Variants in ZFHX3 observed in about 807,000 individuals in gnomAD.
ZFHX3 encodes the protein zinc finger homeobox 3, also known as zinc finger homeobox protein 3.
Under a neutral mutation model 279.1 loss-of-function variants are expected in ZFHX3, and 42 were observed. The observed-to-expected ratio is 0.15, with a 90% CI of 0.12 to 0.19. The LOEUF is 0.19. Ranked by LOEUF, ZFHX3 falls within the 10% of genes least tolerant of loss-of-function variation. ZFHX3 has a pLI of 1.00. For missense variants in ZFHX3, 4,981 were observed against 4,754.0 expected, an observed-to-expected ratio of 1.05 and a Z score of -1.40; for synonymous variants, 2,293 against 1,957.8, an observed-to-expected ratio of 1.17 and a Z score of -4.52.
rs1407685444 is a variant in ZFHX3, at chr16:73,802,230, A to C, written c.-1608+89421T>G. Among the ~76,000 whole-genome samples the C allele has an allele frequency of 2.6e-5, 4 of 152,214 alleles. No individual in the cohort carries two copies. The East Asian group carries it at 5.8e-4, about 22-fold the overall frequency. ...CAGGATGATAGTATCAAATTGTCAG[A>C]GATATTAGGCAATTCTGATGACCTC... On this transcript the variant is annotated intron_variant, in intron 1 of 17. Coordinates refer to the ZFHX3 transcript ENST00000641206.
rs181123222 is a variant in ZFHX3 at position 73,623,331 on chromosome 16, C to T, written c.-1547+56849G>A. 1.8e-3 allele frequency among the ~76,000 whole-genome samples: 281 copies of T among 152,264 alleles called. 2 individuals carry two copies. The highest frequency in any genetic ancestry group is 6.8e-3 in the Middle Eastern group (2 of 294). On this transcript the variant is annotated intron_variant, in intron 2 of 17. Coordinates refer to the ZFHX3 transcript ENST00000641206. ...GATTACAGGCTTGAGCCACTGCGCC[C>T]GGCCGGGCACATTGTATTTTTGAAG...
At chr16:73,619,878 A>T (rs956132449) in intron 2 of ZFHX3, among the ~76,000 whole-genome samples, 1 of 152,152 alleles carries the variant, frequency 6.6e-6, no homozygotes, top group African/African-American at 2.4e-5. Context: ...CATAAACCTT[A>T]CTATTGGTTG....
intron 5 of ZFHX3, among the ~76,000 whole-genome samples, chr16:73,227,842 C>T: frequency 1.2e-5 from 1 of 82,450 alleles, no homozygotes; most frequent in Non-Finnish European, 2.0e-5. Flanking sequence ...GAGCAAGATT[C>T]TGTCTCAAAA....
chr16:73,431,629 T>C (rs2017913716), intron 3 of ZFHX3, among the ~76,000 whole-genome samples: 1 of 152,234 alleles, frequency 6.6e-6, no homozygotes, highest in African/African-American at 2.4e-5. Flanking sequence ...TTGTTAGACA[T>C]GCAGTTAATC....
intron 3 of ZFHX3, among the ~76,000 whole-genome samples, chr16:73,395,506 G>C (rs2017109524): frequency 6.6e-6 from 1 of 151,762 alleles, no homozygotes; most frequent in Non-Finnish European, 1.5e-5. Flanking sequence ...CCCATGCCAA[G>C]AGGGTCACCC....
At chr16:72,864,103 G>A (rs1450209235) in intron 4 of ZFHX3, among the ~76,000 whole-genome samples, 1 of 151,914 alleles carries the variant, frequency 6.6e-6, no homozygotes, top group Non-Finnish European at 1.5e-5. Flanking sequence ...GGGCGAAAGA[G>A]CAAGACTCCA....
chr16:73,131,117 G>A (rs1224125017), intron 6 of ZFHX3: 13 of 573,344 alleles, frequency 2.3e-5, no homozygotes, highest in Non-Finnish European at 4.0e-5. Flanking sequence ...AGTAATAATA[G>A]GACTTGTTTT....
chr16:73,149,192 T>TTTATA (rs10680249), intron 5 of ZFHX3, among the ~76,000 whole-genome samples: 42,152 of 147,340 alleles, frequency 0.29, 6,525 homozygotes, highest in Admixed American at 0.43. Flanking sequence ...TATATTTTAC[T>TTTATA]TTATATTATA....
At chr16:72,937,971 C>T (rs949577564) in intron 3 of ZFHX3, among the ~76,000 whole-genome samples, 10 of 152,330 alleles carry the variant, frequency 6.6e-5, no homozygotes, top group Admixed American at 4.6e-4. Flanking sequence ...TGGAGAGAAA[C>T]GGATAACCAC....
At chr16:73,543,599 G>T (rs896315049) in intron 2 of ZFHX3, among the ~76,000 whole-genome samples, 2 of 152,160 alleles carry the variant, frequency 1.3e-5, no homozygotes, top group African/African-American at 4.8e-5. Context: ...TCAAGTGGAG[G>T]CCTGCCTGGC....
At chr16:73,531,749 T>C (rs1164918973) in intron 2 of ZFHX3, among the ~76,000 whole-genome samples, 2 of 150,784 alleles carry the variant, frequency 1.3e-5, no homozygotes, top group African/African-American at 4.9e-5. Context: ...AATATTTCCT[T>C]TGATGGATGT....
chr16:73,578,947 G>T lies in ZFHX3; in HGVS notation c.-1547+101233C>A, dbSNP rs74030122. On this transcript the variant is annotated intron_variant, in intron 2 of 17. Coordinates refer to the ZFHX3 transcript ENST00000641206. ...GCATTCCAAATTTAAGCTGGAAAAC[G>T]AGTTCAGGCTGTGATGAGAAGGGAG... Among the ~76,000 whole-genome samples the T allele has an allele frequency of 1.3e-3, 196 of 152,256 alleles. 3 individuals are homozygous for T. The highest frequency in any genetic ancestry group is 4.6e-3 in the African/African-American group (192 of 41,550).
intron 1 of ZFHX3, among the ~76,000 whole-genome samples, chr16:73,704,522 G>GTAC (rs1413186938): frequency 3.9e-5 from 6 of 152,206 alleles, no homozygotes; most frequent in Admixed American, 3.3e-4. Context: ...CAGCCGCACT[G>GTAC]TACTGCACAT....
At chr16:72,920,138 T>C (rs866136903) in intron 3 of ZFHX3, among the ~76,000 whole-genome samples, 2 of 151,746 alleles carry the variant, frequency 1.3e-5, no homozygotes, top group Admixed American at 6.6e-5. Context: ...CACAAGAACA[T>C]GCTGTAATTA....
At chr16:73,323,239 G>T (rs536716556) in intron 3 of ZFHX3, among the ~76,000 whole-genome samples, 2 of 152,230 alleles carry the variant, frequency 1.3e-5, no homozygotes, top group South Asian at 4.1e-4. Flanking sequence ...CCTTGGTAGG[G>T]GAAACAGTAC....
chr16:73,004,006 C>T (rs1427655313), intron 1 of ZFHX3, among the ~76,000 whole-genome samples: 1 of 150,840 alleles, frequency 6.6e-6, no homozygotes, highest in Admixed American at 6.6e-5. Context: ...CTCAACCTTA[C>T]CAGTAATCAA....
At chr16:73,429,991 G>A (rs887448033) in intron 3 of ZFHX3, among the ~76,000 whole-genome samples, 11 of 152,012 alleles carry the variant, frequency 7.2e-5, no homozygotes, top group Non-Finnish European at 1.0e-4. Flanking sequence ...GGGCTCAAGC[G>A]ATCCTCCTGC....
At chr16:73,685,878 G>C (rs1455129814) in intron 1 of ZFHX3, among the ~76,000 whole-genome samples, 1 of 152,098 alleles carries the variant, frequency 6.6e-6, no homozygotes, top group Non-Finnish European at 1.5e-5. Flanking sequence ...CTAAGAGTCT[G>C]GCTTAATGTG....
chr16:73,067,774 G>A (rs1965773408), intron 8 of ZFHX3, among the ~76,000 whole-genome samples: 1 of 152,136 alleles, frequency 6.6e-6, no homozygotes, highest in African/African-American at 2.4e-5. Context: ...GCCTTGGAGG[G>A]GTCTGCAGAG....
Sources: gnomAD v4.1 joint callset for allele counts (sites outside exome capture counted in the v4.1 genomes callset) on GRCh38, gnomAD v4.1.1 for gene constraint, MANE v1.5 for transcripts, NCBI Gene and HGNC (gene_info 2026-07-23, HGNC 2026-07-21) for gene names.